The following NUBPL variants were observed in gnomAD, a reference collection of about 807,000 sequenced individuals.
NUBPL encodes NUBP iron-sulfur cluster assembly factor, mitochondrial.
A neutral mutation model predicts 45.7 loss-of-function variants in NUBPL; 31 were observed. That is an observed-to-expected ratio of 0.68 (90% CI 0.51 to 0.92). NUBPL has a LOEUF of 0.92. Among genes scored for constraint, NUBPL ranks in the 40% least tolerant of loss-of-function variants. The pLI is 0.00. For synonymous variants in NUBPL, 144 were observed against 140.9 expected (o/e 1.02, Z -0.15); for missense variants, 401 against 398.7 (o/e 1.01, Z -0.05).
intron 7 of NUBPL, among the ~76,000 whole-genome samples, chr14:31,800,020 C>G (rs763377509): frequency 1.4e-4 from 22 of 152,284 alleles, no homozygotes; most frequent in Non-Finnish European, 2.8e-4. Context: ...CAACAGTGTT[C>G]ACAGTATCAT....
At position 31,835,240 on chromosome 14, in the gene NUBPL, T is replaced by C. The variant is rs373570354; in HGVS notation, c.693+8526T>C. Reference sequence around the variant, plus strand: ...GCCCTGTAACTGTGCTCTTAATTACTATGCTATATTGCTCAACTTTATTGA... The same window carrying C: ...GCCCTGTAACTGTGCTCTTAATTACCATGCTATATTGCTCAACTTTATTGA... On this transcript the variant is annotated intron_variant, in intron 8 of 10. Coordinates refer to ENST00000281081, the MANE Select transcript of NUBPL (RefSeq NM_025152.3). Among the ~76,000 whole-genome samples, 67 of 152,338 alleles carry C rather than the reference T, an allele frequency of 4.4e-4. 1 individual carries two copies. Among genetic ancestry groups the C allele is most frequent in the African/African-American group, 1.2e-3 (48 of 41,580 alleles).
chr14:31,562,132 CA>C lies in NUBPL; in HGVS notation c.176del (p.Lys59SerfsTer5), dbSNP rs778076181. ...RRTQIMSRGL[P>X]KQKPIEGVKQ... The stretch of plus-strand genomic sequence containing the variant: ...ACACAAATCATGTCCCGAGGACTTC[CA>C]AAGCAGAAACCGATAGAAGGTGTTA... On this transcript the variant is annotated frameshift_variant, in exon 2 of 11. Coordinates refer to ENST00000281081, the MANE Select transcript of NUBPL (RefSeq NM_025152.3). LOFTEE classifies it high-confidence loss of function. 5.0e-6 allele frequency: 8 copies of C among 1,613,834 alleles called. No homozygotes were observed. Among genetic ancestry groups the C allele is most frequent in the South Asian group, 1.1e-5 (1 of 91,042 alleles).
chr14:31,650,256 A>G lies in NUBPL; in HGVS notation c.383-23099A>G, dbSNP rs573244693. On this transcript the variant is annotated intron_variant, in intron 4 of 10. Coordinates refer to ENST00000281081, the MANE Select transcript of NUBPL (RefSeq NM_025152.3). ...ATGTGTGTAAAGATAGAGCCTAACT[A>G]AATAAGCTTCTTTTGGGAATGGCTT... 1.6e-4 allele frequency among the ~76,000 whole-genome samples: 25 copies of G among 151,960 alleles called. 1 individual carries two copies. The South Asian group carries it at 4.6e-3, about 28-fold the overall frequency.
At chr14:31,847,693 A>G (rs1018794135) in intron 9 of NUBPL, among the ~76,000 whole-genome samples, 3 of 152,166 alleles carry the variant, frequency 2.0e-5, no homozygotes, top group Non-Finnish European at 4.4e-5. Context: ...AAAAATTAAG[A>G]TCCCTAGAGA....
intron 3 of NUBPL, among the ~76,000 whole-genome samples, chr14:31,598,831 T>C (rs1314583241): frequency 6.6e-6 from 1 of 152,232 alleles, no homozygotes; most frequent in African/African-American, 2.4e-5. Context: ...CCTGTTTCCA[T>C]GATCTTTTTT....
intron 6 of NUBPL, among the ~76,000 whole-genome samples, chr14:31,707,837 G>A (rs768739528): frequency 3.9e-5 from 6 of 152,162 alleles, no homozygotes; most frequent in African/African-American, 1.2e-4. Context: ...AATCATCCAC[G>A]TACTGAAGGA....
intron 6 of NUBPL, among the ~76,000 whole-genome samples, chr14:31,733,942 T>A (rs995304298): frequency 1.3e-5 from 2 of 152,210 alleles, no homozygotes; most frequent in Non-Finnish European, 2.9e-5. Context: ...CAGAGAGTTC[T>A]GTTCCTAGTT....
chr14:31,575,509 A>G (rs1013617529), intron 3 of NUBPL, among the ~76,000 whole-genome samples: 6 of 152,212 alleles, frequency 3.9e-5, no homozygotes, highest in African/African-American at 7.2e-5. Flanking sequence ...AATGCTAATA[A>G]GAGTTGTTCT....
At chr14:31,646,682 T>C (rs1393572827) in intron 4 of NUBPL, among the ~76,000 whole-genome samples, 1 of 152,176 alleles carries the variant, frequency 6.6e-6, no homozygotes, top group Admixed American at 6.5e-5. Context: ...TTATATGCCT[T>C]AGGGTAGTCT....
Position 31,756,476 on chromosome 14 carries a change from T to A in NUBPL, c.514-31304T>A, listed in dbSNP as rs570597753. 6.2e-4 allele frequency among the ~76,000 whole-genome samples: 94 copies of A among 152,040 alleles called. 1 individual carries two copies. Among genetic ancestry groups the A allele is most frequent in the South Asian group, 1.2e-3 (6 of 4,812 alleles). ...TGTTTGAAGCAATTGTGAATGGGAG[T>A]TCACTCATGATTTGGCTCTCTGTTT... is the stretch of plus-strand genomic sequence containing the variant. On this transcript the variant is annotated intron_variant, in intron 6 of 10. Transcript: ENST00000281081.
chr14:31,698,574 C>T (rs1271093943), intron 6 of NUBPL, among the ~76,000 whole-genome samples: 2 of 152,038 alleles, frequency 1.3e-5, no homozygotes, highest in African/African-American at 4.8e-5. Context: ...AAGCAAGCTA[C>T]CCTCTGGCTT....
At chr14:31,792,735 C>A (rs2039405665) in intron 7 of NUBPL, among the ~76,000 whole-genome samples, 1 of 152,044 alleles carries the variant, frequency 6.6e-6, no homozygotes, top group African/African-American at 2.4e-5. Context: ...AAATGTCCTA[C>A]CAAAAAGGAT....
intron 4 of NUBPL, among the ~76,000 whole-genome samples, chr14:31,672,327 A>T (rs1455741017): frequency 6.6e-6 from 1 of 152,094 alleles, no homozygotes; most frequent in Non-Finnish European, 1.5e-5. Flanking sequence ...ATACACATAC[A>T]TGTATGCACA....
At chr14:31,684,724 G>GT (rs2036913698) in intron 6 of NUBPL, among the ~76,000 whole-genome samples, 1 of 152,010 alleles carries the variant, frequency 6.6e-6, no homozygotes, top group African/African-American at 2.4e-5. Context: ...TATCTTAGGT[G>GT]TTTTTTTCGT....
At chr14:31,756,159 C>T (rs1020203660) in intron 6 of NUBPL, among the ~76,000 whole-genome samples, 10 of 151,944 alleles carry the variant, frequency 6.6e-5, no homozygotes, top group Non-Finnish European at 1.2e-4. Flanking sequence ...GTTCTTTTGG[C>T]TTAGGATTGA....
At chr14:31,817,157 GC>G (rs1256721043) in intron 7 of NUBPL, among the ~76,000 whole-genome samples, 1 of 151,952 alleles carries the variant, frequency 6.6e-6, no homozygotes, top group Non-Finnish European at 1.5e-5. Context: ...AATGAACAAA[GC>G]CTTCCAGAAA....
intron 6 of NUBPL, among the ~76,000 whole-genome samples, chr14:31,749,461 G>A (rs1267346226): frequency 6.6e-6 from 1 of 152,016 alleles, no homozygotes; most frequent in African/African-American, 2.4e-5. Context: ...TCCGATTTTT[G>A]CTGGGTATAG....
At chr14:31,619,632 A>G (rs1192878760) in intron 4 of NUBPL, among the ~76,000 whole-genome samples, 1 of 152,120 alleles carries the variant, frequency 6.6e-6, no homozygotes, top group African/African-American at 2.4e-5. Flanking sequence ...TCTGGCTTGT[A>G]GGGTTTCTGC....
rs181816855 is a variant in NUBPL at position 31,763,100 on chromosome 14, A to G, written c.514-24680A>G. 1.7e-3 allele frequency among the ~76,000 whole-genome samples: 257 copies of G among 152,234 alleles called. 3 individuals are homozygous for G. The highest frequency in any genetic ancestry group is 3.4e-3 in the Middle Eastern group (1 of 292). The stretch of plus-strand genomic sequence containing the variant: ...ATGCCTCTATTTCTTTTGGAGGATG[A>G]TGGGAGTGGAAGAGGAACAGTGGGG... On this transcript the variant is annotated intron_variant, in intron 6 of 10. Transcript: ENST00000281081.
Sources: allele counts gnomAD v4.1 joint callset (sites outside exome capture counted in the v4.1 genomes callset), GRCh38; gene constraint gnomAD v4.1.1; transcripts MANE v1.5; gene names NCBI Gene and HGNC (gene_info 2026-07-23, HGNC 2026-07-21).